Variants in DOC2B observed in about 807,000 individuals in gnomAD.
DOC2B encodes the protein double C2 domain beta.
Under a neutral mutation model 28.9 loss-of-function variants are expected in DOC2B, and 21 were observed. That is an observed-to-expected ratio of 0.73 (90% CI 0.52 to 1.05). DOC2B has a LOEUF of 1.05. Among genes scored for constraint, DOC2B ranks in the 50% least tolerant of loss-of-function variants. DOC2B has a pLI of 0.00. For missense variants in DOC2B, 384 were observed against 421.1 expected (o/e 0.91, Z 0.77); for synonymous variants, 194 against 178.1 (o/e 1.09, Z -0.71).
rs1273476001 is a variant in DOC2B at position 156,388 on chromosome 17, G to A, written c.766-11C>T. 3.9e-6 allele frequency: 6 copies of A among 1,550,916 alleles called. No individual in the cohort carries two copies. Among genetic ancestry groups the A allele is most frequent in the African/African-American group, 1.4e-5 (1 of 73,040 alleles). ...TTCAGTCTTGTCCACCTGTTGGACG[G>A]GACGGTCACTCAGTCCTCACCTGCT... On this transcript the variant is annotated splice_polypyrimidine_tract_variant and intron_variant, in intron 5 of 8. Coordinates refer to ENST00000613549, the MANE Select transcript of DOC2B (RefSeq NM_003585.5).
chr17:148,529 C>T (rs1426115680), intron 7 of DOC2B, among the ~76,000 whole-genome samples: 1 of 152,126 alleles, frequency 6.6e-6, no homozygotes, highest in Admixed American at 6.5e-5. Context: ...ACTGCAGAGG[C>T]ACTGCACGCC....
At chr17:172,753 C>G (rs1243520082) in intron 1 of DOC2B, 137 bp from the exon 2 acceptor site, 4 of 620,200 alleles carry the variant, frequency 6.4e-6, no homozygotes, top group Non-Finnish European at 1.1e-5. Flanking sequence ...AGCACCTGCT[C>G]TATGCCAGCC....
chr17:181,281 C>T lies in DOC2B; in HGVS notation c.199G>A (p.Ala67Thr). The change falls in exon 1 of 9, where the codon GCC (alanine) becomes ACC (threonine). Residue 67 changes from alanine (A) to threonine (T), a missense_variant. Transcript: ENST00000613549. The surrounding 1 kb of genome is among the most constrained non-coding windows in gnomAD (Gnocchi z 7.0). ...CCGTCGGAGGGGCTGCGGCGGCCGGCACCGGCCACAGCCGGGCGCGCGGGG... is the reference window on the plus strand; with the variant it reads ...CCGTCGGAGGGGCTGCGGCGGCCGGTACCGGCCACAGCCGGGCGCGCGGGG... Reference protein sequence around the residue: ...DAPARPAVAGAGRRSPSDGAR... With the variant: ...DAPARPAVAGTGRRSPSDGAR... The T allele has an allele frequency of 1.7e-6, 2 of 1,201,084 alleles. No homozygotes were observed. Among genetic ancestry groups the T allele is most frequent in the Non-Finnish European group, 2.1e-6 (2 of 968,616 alleles). The allele number at this position is 1,201,084 out of a possible 1,614,324, so 74.4% of individuals were successfully genotyped here. A position where few individuals can be genotyped will look rare whatever the true frequency, so the allele number is the denominator to read the frequency against.
chr17:171,835 GGCCGGGCC>G, intron 2 of DOC2B, among the ~76,000 whole-genome samples: 1 of 2,490 alleles, frequency 4.0e-4, no homozygotes, highest in African/African-American at 1.7e-3. Context: ...CAGCACCAGG[GGCCGGGCC>G]AGGCTGCAGA....
At chr17:164,350 TG>T in intron 2 of DOC2B, 146 bp from the exon 3 acceptor site, 2 of 637,092 alleles carry the variant, frequency 3.1e-6, no homozygotes, top group South Asian at 3.7e-5. Context: ...CACCTCCAGA[TG>T]GAGGGAGTGA....
At chr17:149,046 A>C (rs2040045011) in intron 7 of DOC2B, 65 bp downstream of exon 7, 1 of 397,008 alleles carries the variant, frequency 2.5e-6, no homozygotes, top group Admixed American at 4.4e-5. Context: ...TTGAAAACCC[A>C]GCCACACCCC....
At chr17:164,572 G>T (rs973984895) in intron 2 of DOC2B, among the ~76,000 whole-genome samples, 4 of 152,090 alleles carry the variant, frequency 2.6e-5, no homozygotes, top group Admixed American at 2.6e-4. Flanking sequence ...GTGGCCTCCT[G>T]AGTGGCCATG....
intron 2 of DOC2B, 81 bp downstream of exon 2, chr17:172,456 T>A: frequency 1.8e-6 from 2 of 1,097,032 alleles, no homozygotes; most frequent in Non-Finnish European, 1.3e-6. Flanking sequence ...ACCTGGGGAG[T>A]GGTGTGGTCT....
At chr17:153,828 C>T (rs140935380) in intron 6 of DOC2B, among the ~76,000 whole-genome samples, 3,158 of 152,194 alleles carry the variant, frequency 0.021, 107 homozygotes, top group African/African-American at 0.07. Context: ...CAGTATCCTA[C>T]TGTGTGTGTC....
intron 1 of DOC2B, among the ~76,000 whole-genome samples, chr17:177,485 C>A (rs910794715): frequency 7.4e-4 from 112 of 152,312 alleles, no homozygotes; most frequent in African/African-American, 2.6e-3. Flanking sequence ...GCGAAGAGCA[C>A]CTCCCTTTCC....
chr17:169,963 C>T (rs1025675162), intron 2 of DOC2B, among the ~76,000 whole-genome samples: 2 of 152,218 alleles, frequency 1.3e-5, no homozygotes, highest in Non-Finnish European at 2.9e-5. Context: ...CACATGTACA[C>T]ACAGAGACAC....
chr17:173,064 T>G (rs887816037), intron 1 of DOC2B, among the ~76,000 whole-genome samples: 12 of 152,322 alleles, frequency 7.9e-5, no homozygotes, highest in African/African-American at 2.6e-4. Context: ...TCAGCTGATT[T>G]GCTCAACAGT....
intron 5 of DOC2B, among the ~76,000 whole-genome samples, chr17:158,704 C>T (rs1037989911): frequency 1.3e-5 from 2 of 152,208 alleles, no homozygotes; most frequent in African/African-American, 4.8e-5. Flanking sequence ...GGCCTTGATG[C>T]CCTGTGCTGC....
chr17:178,963 C>A (rs989329339), intron 1 of DOC2B, among the ~76,000 whole-genome samples: 46 of 152,320 alleles, frequency 3.0e-4, no homozygotes, highest in African/African-American at 1.1e-3. Flanking sequence ...AGAACCTGTT[C>A]CCCCACCATG....
chr17:172,631 G>T lies in DOC2B; in HGVS notation c.374-15C>A. On this transcript the variant is annotated splice_polypyrimidine_tract_variant and intron_variant, in intron 1 of 8. Coordinates refer to ENST00000613549, the MANE Select transcript of DOC2B (RefSeq NM_003585.5). ...GCCCAGGGCAGCTGCGGACAGAGGA[G>T]GGCACAGGTCCCACCCTGGCCGCAT... The T allele has an allele frequency of 6.5e-7, 1 of 1,547,422 alleles. No homozygotes were observed.
intron 1 of DOC2B, among the ~76,000 whole-genome samples, chr17:175,678 G>C (rs1032997715): frequency 1.8e-4 from 28 of 152,240 alleles, no homozygotes; most frequent in African/African-American, 6.8e-4. Context: ...CTGGGATCTG[G>C]TGTGACACCC....
intron 4 of DOC2B, 133 bp downstream of exon 4, chr17:161,948 C>G: frequency 1.4e-6 from 1 of 691,672 alleles, no homozygotes; most frequent in South Asian, 1.8e-5. Flanking sequence ...TCTTCAAGCC[C>G]CCAAGCTGGA....
intron 1 of DOC2B, among the ~76,000 whole-genome samples, chr17:179,919 G>C (rs1597839538): frequency 6.6e-6 from 1 of 152,388 alleles, no homozygotes; most frequent in Non-Finnish European, 1.5e-5. Flanking sequence ...CAGGTGGGGC[G>C]ATGGGGGGTC....
At chr17:158,323 C>G (rs2040160146) in intron 5 of DOC2B, among the ~76,000 whole-genome samples, 1 of 152,020 alleles carries the variant, frequency 6.6e-6, no homozygotes, top group African/African-American at 2.4e-5. Flanking sequence ...AGCCCTGTGT[C>G]CCCCTGGATC....
Sources: gnomAD v4.1 joint callset for allele counts (sites outside exome capture counted in the v4.1 genomes callset) on GRCh38, gnomAD v4.1.1 for gene constraint, Gnocchi (gnomAD v3.1) non-coding constraint, MANE v1.5 for transcripts, NCBI Gene and HGNC (gene_info 2026-07-23, HGNC 2026-07-21) for gene names.